ZFHX3: variants seen among roughly 807,000 people sequenced by gnomAD.
ZFHX3 encodes zinc finger homeobox 3, also known as zinc finger homeobox protein 3.
ZFHX3 carries 42 observed loss-of-function variants against 279.1 expected under a neutral mutation model. The ratio of observed to expected loss-of-function variants is 0.15; its 90% CI spans 0.12 to 0.19. The LOEUF is 0.19. Among genes scored for constraint, ZFHX3 ranks in the 10% least tolerant of loss-of-function variants. The pLI, the probability that ZFHX3 is intolerant of heterozygous loss-of-function variation, is 1.00. For missense variants in ZFHX3, 4,981 were observed against 4,754.0 expected (o/e 1.05, Z -1.40); for synonymous variants, 2,293 against 1,957.8 (o/e 1.17, Z -4.52).
At chr16:73,687,971 C>T (rs528844916) in intron 1 of ZFHX3, among the ~76,000 whole-genome samples, 2 of 151,128 alleles carry the variant, frequency 1.3e-5, no homozygotes, top group African/African-American at 2.4e-5. Context: ...TTTTTTCCAA[C>T]GTAAGACGCA....
intron 4 of ZFHX3, among the ~76,000 whole-genome samples, chr16:72,848,372 A>G (rs2037530259): frequency 1.3e-5 from 2 of 152,082 alleles, no homozygotes; most frequent in South Asian, 4.2e-4. Flanking sequence ...TTTATGATCA[A>G]TATGCAAATT....
In ZFHX3 at chr16:73,055,692, G is replaced by GCACACA. The variant is rs1232763125; in HGVS notation, c.-24+2837_-24+2838insTGTGTG. 6.6e-3 allele frequency among the ~76,000 whole-genome samples: 626 copies of GCACACA among 95,244 alleles called. 2 individuals are homozygous for GCACACA. The highest frequency in any genetic ancestry group is 0.032 in the Middle Eastern group (6 of 188). The allele number at this position is 95,244 out of a possible 152,430, so 62.5% of individuals were successfully genotyped here. A position where few individuals can be genotyped will look rare whatever the true frequency, so the allele number is the denominator to read the frequency against. On this transcript the variant is annotated intron_variant, in intron 1 of 8. Coordinates refer to the ZFHX3 transcript ENST00000397992. ...GGTGCAGACGTACGCGCGCGCGCGC[G>GCACACA]CGCGCGCACACACACACACACACAC...
rs372273645 is a variant in ZFHX3, at chr16:72,960,163, G to A, written c.-18C>T. ...CCTTCCATGGTAAGGCCTGCGTGGA[G>A]CTTTCATTGCACCCAGTACGGAGGC... On this transcript the variant is annotated 5_prime_UTR_variant, in exon 2 of 10. Transcript: ENST00000268489. 1.9e-5 allele frequency: 29 copies of A among 1,544,746 alleles called. No homozygotes were observed. The highest frequency in any genetic ancestry group is 1.6e-4 in the East Asian group (7 of 44,088).
chr16:73,012,014 T>G (rs1225486067), intron 1 of ZFHX3, among the ~76,000 whole-genome samples: 1 of 152,070 alleles, frequency 6.6e-6, no homozygotes, highest in Non-Finnish European at 1.5e-5. Context: ...GAGGAAGGCA[T>G]GCTATTAGCT....
At chr16:73,512,649 C>G (rs1456175911) in intron 2 of ZFHX3, among the ~76,000 whole-genome samples, 3 of 152,108 alleles carry the variant, frequency 2.0e-5, no homozygotes, top group Non-Finnish European at 4.4e-5. Flanking sequence ...GATGGTCTGG[C>G]AAAGATACCT....
intron 1 of ZFHX3, among the ~76,000 whole-genome samples, chr16:72,965,005 G>A (rs1054927878): frequency 1.3e-5 from 2 of 152,096 alleles, no homozygotes; most frequent in African/African-American, 4.8e-5. Flanking sequence ...ACCCTCCTGA[G>A]TAGCTGGGCC....
At chr16:72,916,907 T>C (rs1185184908) in intron 3 of ZFHX3, among the ~76,000 whole-genome samples, 3 of 152,010 alleles carry the variant, frequency 2.0e-5, no homozygotes, top group Non-Finnish European at 4.4e-5. Context: ...ATGGAGTGAA[T>C]GTGATCTTGG....
At chr16:73,697,966 C>T (rs1193487608) in intron 1 of ZFHX3, among the ~76,000 whole-genome samples, 1 of 152,038 alleles carries the variant, frequency 6.6e-6, no homozygotes, top group Admixed American at 6.6e-5. Context: ...ATGAAAGGAA[C>T]CAGGGCTCCT....
intron 1 of ZFHX3, among the ~76,000 whole-genome samples, chr16:72,977,505 A>G (rs1250085213): frequency 1.3e-5 from 2 of 152,300 alleles, no homozygotes; most frequent in East Asian, 3.9e-4. Context: ...AGGAACTAAC[A>G]TGAACCACCT....
chr16:73,204,066 TAAAC>T (rs2011704739), intron 5 of ZFHX3, among the ~76,000 whole-genome samples: 1 of 152,002 alleles, frequency 6.6e-6, no homozygotes, highest in African/African-American at 2.4e-5. Flanking sequence ...TTTTAGTAAA[TAAAC>T]AGTTGGTTTT....
chr16:73,785,176 T>C (rs1344459375), intron 1 of ZFHX3, among the ~76,000 whole-genome samples: 1 of 152,194 alleles, frequency 6.6e-6, no homozygotes, highest in Non-Finnish European at 1.5e-5. Flanking sequence ...ATTTGCTGTA[T>C]ACATTATAAT....
At chr16:72,808,691 A>C (rs1324583936) in intron 7 of ZFHX3, among the ~76,000 whole-genome samples, 2 of 152,202 alleles carry the variant, frequency 1.3e-5, no homozygotes, top group Admixed American at 6.5e-5. Flanking sequence ...AGAGGTTTCT[A>C]TACAAGGTAC....
chr16:73,092,032 C>T (rs564910821), intron 8 of ZFHX3, among the ~76,000 whole-genome samples: 71 of 152,322 alleles, frequency 4.7e-4, no homozygotes, highest in African/African-American at 1.7e-3. Context: ...TAGTGTCTTG[C>T]AATCACAGAA....
chr16:73,073,199 C>A (rs181842499), intron 8 of ZFHX3, among the ~76,000 whole-genome samples: 1 of 152,106 alleles, frequency 6.6e-6, no homozygotes, highest in South Asian at 2.1e-4. Flanking sequence ...GCCCAGCCTC[C>A]TATTACTTAA....
rs576822520 is a variant in ZFHX3, at chr16:73,760,706, A to G, written c.-1607-80466T>C. 2.6e-5 allele frequency among the ~76,000 whole-genome samples: 4 copies of G among 152,344 alleles called. No individual in the cohort carries two copies. In the East Asian group the frequency reaches 7.7e-4, roughly 29 times the overall value. ...AATAAATGTAATTCATTACATAAACAGAACTAAAGACAAAAAACACATGAT... is the reference window on the plus strand; with the variant it reads ...AATAAATGTAATTCATTACATAAACGGAACTAAAGACAAAAAACACATGAT... On this transcript the variant is annotated intron_variant, in intron 1 of 17. Transcript: ENST00000641206.
chr16:72,917,112 G>A (rs780528462), intron 3 of ZFHX3, among the ~76,000 whole-genome samples: 3 of 152,124 alleles, frequency 2.0e-5, no homozygotes, highest in Admixed American at 6.6e-5. Context: ...ATCATGGCAC[G>A]CGCCTATAGT....
intron 1 of ZFHX3, among the ~76,000 whole-genome samples, chr16:72,976,605 C>A (rs1488492098): frequency 6.6e-6 from 1 of 152,214 alleles, no homozygotes; most frequent in African/African-American, 2.4e-5. Context: ...GTGATCAGGA[C>A]CCCGGTAGAA....
intron 2 of ZFHX3, among the ~76,000 whole-genome samples, chr16:73,470,241 G>T (rs1426060077): frequency 6.6e-6 from 1 of 152,136 alleles, no homozygotes; most frequent in Admixed American, 6.5e-5. Context: ...ATTCACGGGG[G>T]CTTCAACGCA....
chr16:73,507,806 C>A (rs1007172787), intron 2 of ZFHX3, among the ~76,000 whole-genome samples: 2 of 152,102 alleles, frequency 1.3e-5, no homozygotes, highest in African/African-American at 4.8e-5. Flanking sequence ...TGGCCTCTGC[C>A]ACTTTTTACC....
Sources: allele counts gnomAD v4.1 joint callset (sites outside exome capture counted in the v4.1 genomes callset), GRCh38; gene constraint gnomAD v4.1.1; transcripts MANE v1.5; gene names NCBI Gene and HGNC (gene_info 2026-07-23, HGNC 2026-07-21).